OTOF: variants seen among roughly 807,000 people sequenced by gnomAD.
The protein encoded by OTOF is otoferlin.
A neutral mutation model predicts 236.8 loss-of-function variants in OTOF; 218 were observed. The observed-to-expected ratio is 0.92, with a 90% CI of 0.82 to 1.03. The LOEUF is 1.03. OTOF is among the 50% of genes least tolerant of loss of function. OTOF has a pLI of 0.00. For synonymous variants in OTOF, 1,041 were observed against 1,072.5 expected (o/e 0.97, Z 0.57); for missense variants, 2,590 against 2,694.4 (o/e 0.96, Z 0.86).
chr2:26,457,698 T>C lies in OTOF; in HGVS notation c.*540A>G. Reference sequence around the variant, plus strand: ...TAATTTCACTAAAGCTTCAATCCTGTACTTGGAAGACCTGGGGAGGGTTTC... The same window carrying C: ...TAATTTCACTAAAGCTTCAATCCTGCACTTGGAAGACCTGGGGAGGGTTTC... On this transcript the variant is annotated 3_prime_UTR_variant, in exon 47 of 47. Transcript: ENST00000272371. The surrounding 1 kb of genome is among the most constrained non-coding windows in gnomAD (Gnocchi z 4.4). The C allele has an allele frequency of 3.2e-6, 1 of 316,084 alleles. No individual in the cohort carries two copies. Among genetic ancestry groups the C allele is most frequent in the Non-Finnish European group, 5.9e-6 (1 of 168,822 alleles). The allele number at this position is 316,084 out of a possible 1,614,324, so 19.6% of individuals were successfully genotyped here.
intron 8 of OTOF, among the ~76,000 whole-genome samples, chr2:26,495,790 T>C (rs1225598234): frequency 1.3e-5 from 2 of 152,248 alleles, no homozygotes; most frequent in Non-Finnish European, 1.5e-5. Context: ...CCAGCGTCGA[T>C]GGCTCTGCTT....
intron 41 of OTOF, 58 bp downstream of exon 41, chr2:26,463,425 G>T: frequency 7.2e-7 from 1 of 1,384,670 alleles, no homozygotes; most frequent in Non-Finnish European, 1.0e-6. Context: ...GTTGGGCCGT[G>T]GTGGGAAGTG....
chr2:26,515,887 A>C (rs1434730858), intron 5 of OTOF, among the ~76,000 whole-genome samples: 1 of 152,224 alleles, frequency 6.6e-6, no homozygotes, highest in Non-Finnish European at 1.5e-5. Flanking sequence ...GGACACTTGC[A>C]GGGCGTGACG....
intron 3 of OTOF, among the ~76,000 whole-genome samples, 184 bp from the exon 4 acceptor site, chr2:26,519,293 G>A (rs890722835): frequency 6.6e-6 from 1 of 152,230 alleles, no homozygotes; most frequent in African/African-American, 2.4e-5. Context: ...ATGTCCCACT[G>A]TGGATGGTTG....
intron 2 of OTOF, among the ~76,000 whole-genome samples, chr2:26,534,999 G>T (rs1413378074): frequency 1.3e-5 from 2 of 152,228 alleles, no homozygotes; most frequent in Non-Finnish European, 2.9e-5. Context: ...TTAAAGCCAG[G>T]GTATGGCTCC....
Position 26,516,471 on chromosome 2 carries a change from C to A in OTOF, c.456G>T (p.Leu152=). ...GGGAGCTGGGCCGGGAGCCTGGGAG[C>A]AGTCCATCCGTCTCTTGGCTGTCCT... ...EEKDSQETDG[L]LPGSRPSSRP... The change falls in exon 5 of 47, where the codon CTG becomes CTT. Residue 152 remains leucine, a synonymous_variant. Coordinates refer to ENST00000272371, the MANE Select transcript of OTOF (RefSeq NM_194248.3). 6.2e-7 allele frequency: 1 copy of A among 1,613,902 alleles called. No homozygotes were observed. Among genetic ancestry groups the A allele is most frequent in the African/African-American group, 1.3e-5 (1 of 75,026 alleles).
At chr2:26,535,400 C>A (rs1667045555) in intron 2 of OTOF, among the ~76,000 whole-genome samples, 1 of 152,174 alleles carries the variant, frequency 6.6e-6, no homozygotes, top group Non-Finnish European at 1.5e-5. Context: ...GCTGCTGGGG[C>A]TGCCACCATC....
At chr2:26,466,349 T>C (rs77866054) in intron 36 of OTOF, 5 of 531,652 alleles carry the variant, frequency 9.4e-6, no homozygotes, top group South Asian at 2.0e-5. Flanking sequence ...CTTTTTTTTT[T>C]CCTTTGAGAC....
Position 26,462,494 on chromosome 2 carries a change from A to G in OTOF, c.5193-313T>C, listed in dbSNP as rs1165518886. ...AGCAATGGAAGCCCATGGAAGCTGTATGTCCCTGTCCCCAAAGAGGATTTT... is the reference window on the plus strand; with the variant it reads ...AGCAATGGAAGCCCATGGAAGCTGTGTGTCCCTGTCCCCAAAGAGGATTTT... On this transcript the variant is annotated intron_variant, in intron 41 of 46. Transcript: ENST00000272371. The surrounding 1 kb of genome is among the most constrained non-coding windows in gnomAD (Gnocchi z 4.7). 2.0e-5 allele frequency among the ~76,000 whole-genome samples: 3 copies of G among 152,202 alleles called. No individual in the cohort carries two copies. Among genetic ancestry groups the G allele is most frequent in the Non-Finnish European group, 4.4e-5 (3 of 68,026 alleles).
At chr2:26,513,755 T>C (rs1171047080) in intron 5 of OTOF, among the ~76,000 whole-genome samples, 1 of 152,190 alleles carries the variant, frequency 6.6e-6, no homozygotes, top group East Asian at 1.9e-4. Flanking sequence ...CTGCCTGGGC[T>C]CCTAACGGGG....
At chr2:26,465,886 G>T (rs961902338) in intron 37 of OTOF, 44 bp from the exon 38 acceptor site, 20 of 1,614,102 alleles carry the variant, frequency 1.2e-5, no homozygotes, top group Admixed American at 3.3e-5. Flanking sequence ...ATTGGCTAGG[G>T]TGGGAGGTGT....
rs367777934 is a variant in OTOF, at chr2:26,470,565, C to A, written c.4023+28G>T. ...GAGGGTCTGAGTGTGGAGGGGGTCA[C>A]CTCCCCTCACCCTACCCGAGGTCTC... On this transcript the variant is annotated intron_variant, in intron 32 of 46. Transcript: ENST00000272371. This position sits in a 1 kb window ranked among gnomAD's most constrained non-coding sequence, Gnocchi z 4.3. The A allele has an allele frequency of 6.2e-7, 1 of 1,609,764 alleles. No homozygotes were observed. The highest frequency in any genetic ancestry group is 8.5e-7 in the Non-Finnish European group (1 of 1,176,282).
In OTOF at chr2:26,475,405, T is replaced by C. The variant is rs774506833; in HGVS notation, c.3080A>G (p.Asp1027Gly). The C allele has an allele frequency of 5.6e-6, 9 of 1,613,048 alleles. No individual in the cohort carries two copies. In the South Asian group the frequency reaches 9.9e-5, roughly 18 times the overall value. The change falls in exon 25 of 47, where the codon GAC becomes GGC. Residue 1027 changes from aspartate (D) to glycine (G), a missense_variant. Physicochemically the swap from Asp to Gly is moderately conservative, Grantham distance 94. Around this residue, in one of 2 missense-constraint regions of OTOF, gnomAD observed 1,211 missense variants for 1,352.8 expected, o/e 0.90. Transcript: ENST00000272371. The part of the protein sequence containing the change: ...ELYGEAHELR[D>G]DPPIIVIEIY... Reference sequence around the variant, plus strand: ...TTCAATGACAATGATGGGCGGATCGTCCCTCAGCTCATGAGCTTCACCATA... The same window carrying C: ...TTCAATGACAATGATGGGCGGATCGCCCCTCAGCTCATGAGCTTCACCATA...
At chr2:26,499,657 G>A (rs556777954) in intron 8 of OTOF, among the ~76,000 whole-genome samples, 10 of 152,020 alleles carry the variant, frequency 6.6e-5, no homozygotes, top group African/African-American at 2.2e-4. Context: ...ACAGGTATGC[G>A]CCACCACCAT....
intron 1 of OTOF, among the ~76,000 whole-genome samples, chr2:26,551,006 T>C (rs1667448290): frequency 1.3e-5 from 2 of 152,092 alleles, no homozygotes; most frequent in African/African-American, 2.4e-5. Context: ...TTTCCCCCCC[T>C]TGAGACAGAG....
chr2:26,475,796 G>T, intron 24 of OTOF, 118 bp downstream of exon 24: 1 of 1,345,430 alleles, frequency 7.4e-7, no homozygotes, highest in Non-Finnish European at 1.0e-6. Context: ...CGGGGCACTG[G>T]CTGACCTGTG....
At chr2:26,494,677 G>T (rs534671669) in intron 9 of OTOF, among the ~76,000 whole-genome samples, 139 of 152,022 alleles carry the variant, frequency 9.1e-4, no homozygotes, top group African/African-American at 3.3e-3. Context: ...TCTTTCACAG[G>T]CACTGCTGGG....
chr2:26,487,789 C>T lies in OTOF; in HGVS notation c.1045+1422G>A, dbSNP rs927090362. Among the ~76,000 whole-genome samples the T allele has an allele frequency of 8.5e-5, 13 of 152,340 alleles. No individual in the cohort carries two copies. The South Asian group carries it at 1.7e-3, about 19-fold the overall frequency. ...CCAGTCATTCCAAGCAAGTAGTCCA[C>T]GGCTATGCATGCTTCCTGGAAAGCA... On this transcript the variant is annotated intron_variant, in intron 11 of 46. Transcript: ENST00000272371.
Position 26,518,482 on chromosome 2 carries a change from G to A in OTOF, c.327+528C>T, listed in dbSNP as rs535761721. 5.9e-5 allele frequency among the ~76,000 whole-genome samples: 9 copies of A among 152,360 alleles called. No homozygotes were observed. In the South Asian group the frequency reaches 1.7e-3, roughly 28 times the overall value. ...GACTGAAGAATCAGAGCAGAGCCTG[G>A]GGCCAGGCTGTCCTGGTAGGGTTGC... On this transcript the variant is annotated intron_variant, in intron 4 of 46. Coordinates refer to ENST00000272371, the MANE Select transcript of OTOF (RefSeq NM_194248.3).
Sources: gnomAD v4.1 joint callset for allele counts (sites outside exome capture counted in the v4.1 genomes callset) on GRCh38, gnomAD v4.1.1 for gene constraint, gnomAD v4.1.1 regional missense constraint, Gnocchi (gnomAD v3.1) non-coding constraint, MANE v1.5 for transcripts, NCBI Gene and HGNC (gene_info 2026-07-23, HGNC 2026-07-21) for gene names.